Variants in OSBPL8 observed in about 807,000 individuals in gnomAD.
OSBPL8 encodes the protein oxysterol-binding protein-related protein 8.
Under a neutral mutation model 125.5 loss-of-function variants are expected in OSBPL8, and 59 were observed. That is an observed-to-expected ratio of 0.47 (90% CI 0.38 to 0.58). The LOEUF (loss-of-function observed/expected upper bound fraction) is 0.58, where lower values mean the gene tolerates loss of function less well. Ranked by LOEUF, OSBPL8 falls within the 20% of genes least tolerant of loss-of-function variation. The pLI is 0.00. For synonymous variants in OSBPL8, 330 were observed against 338.9 expected (o/e 0.97, Z 0.29); for missense variants, 758 against 1,047.8 (o/e 0.72, Z 3.82).
chr12:76,370,602 C>G (rs1592539526), intron 19 of OSBPL8, among the ~76,000 whole-genome samples: 1 of 152,150 alleles, frequency 6.6e-6, no homozygotes, highest in Non-Finnish European at 1.5e-5. Flanking sequence ...GAATTATATA[C>G]TCTCACAAAT....
intron 1 of OSBPL8, among the ~76,000 whole-genome samples, chr12:76,543,964 C>T (rs1475821606): frequency 5.9e-5 from 9 of 152,218 alleles, no homozygotes; most frequent in South Asian, 4.1e-4. Flanking sequence ...CTTTAACATA[C>T]GAAGAATAAT....
intron 4 of OSBPL8, among the ~76,000 whole-genome samples, chr12:76,429,682 T>TA (rs1437487064): frequency 1.3e-5 from 2 of 152,146 alleles, no homozygotes; most frequent in African/African-American, 4.8e-5. Context: ...ATGTGACATA[T>TA]AAAAGGAGTA....
intron 4 of OSBPL8, among the ~76,000 whole-genome samples, chr12:76,414,225 A>T (rs1868352336): frequency 6.6e-6 from 1 of 151,208 alleles, no homozygotes; most frequent in Admixed American, 6.6e-5. Flanking sequence ...TGCACACCCT[A>T]TCTGTTCTAT....
chr12:76,382,679 T>G (rs979607632), intron 15 of OSBPL8, among the ~76,000 whole-genome samples: 4 of 152,086 alleles, frequency 2.6e-5, no homozygotes, highest in Non-Finnish European at 5.9e-5. Flanking sequence ...GGTCAGGAGT[T>G]CGAGACCAGC....
chr12:76,356,292 G>A (rs553279292), intron 23 of OSBPL8, among the ~76,000 whole-genome samples: 1 of 152,242 alleles, frequency 6.6e-6, no homozygotes, highest in South Asian at 2.1e-4. Context: ...GCCATGCACA[G>A]AGGGGACTAT....
chr12:76,377,799 A>G (rs1192938697), intron 16 of OSBPL8, among the ~76,000 whole-genome samples: 1 of 152,182 alleles, frequency 6.6e-6, no homozygotes, highest in African/African-American at 2.4e-5. Context: ...CTGACTTGCC[A>G]CATTTTAGCT....
rs1400786162 is a variant in OSBPL8, at chr12:76,389,781, G to A, written c.1216C>T (p.Leu406Phe). ...TETVSEENKSLIWTLLKQVRP... is the reference protein window; with the variant it reads ...TETVSEENKSFIWTLLKQVRP... The stretch of plus-strand genomic sequence containing the variant: ...ACTTGTTTCAATAGTGTCCAGATAA[G>A]GCTTTTGTTTTCTTCAGATACAGTT... Residue 406 changes from leucine to phenylalanine, a missense_variant, in exon 12 of 24, where the codon CTT becomes TTT. Coordinates refer to ENST00000261183, the MANE Select transcript of OSBPL8 (RefSeq NM_020841.5). The A allele has an allele frequency of 1.3e-5, 20 of 1,576,510 alleles. No individual in the cohort carries two copies. The highest frequency in any genetic ancestry group is 1.7e-5 in the Non-Finnish European group (20 of 1,160,112).
intron 1 of OSBPL8, among the ~76,000 whole-genome samples, chr12:76,500,758 G>A (rs1316836312): frequency 6.6e-6 from 1 of 151,550 alleles, no homozygotes; most frequent in Admixed American, 6.6e-5. Context: ...CAGGGTAAGA[G>A]AAAAAAAGAA....
intron 1 of OSBPL8, among the ~76,000 whole-genome samples, chr12:76,556,440 T>C (rs1291099823): frequency 7.4e-6 from 1 of 134,374 alleles, no homozygotes; most frequent in African/African-American, 2.9e-5. Flanking sequence ...TGTGAGGATA[T>C]GTGAGGGATG....
chr12:76,476,484 A>C (rs1876823670), intron 2 of OSBPL8, among the ~76,000 whole-genome samples: 3 of 152,194 alleles, frequency 2.0e-5, no homozygotes, highest in Admixed American at 2.0e-4. Context: ...ACTGGGTATA[A>C]AAATATTATA....
At chr12:76,557,049 T>C (rs1951125218) in intron 1 of OSBPL8, among the ~76,000 whole-genome samples, 1 of 152,234 alleles carries the variant, frequency 6.6e-6, no homozygotes, top group African/African-American at 2.4e-5. Context: ...TATGTCCTCT[T>C]TGAATTGCCT....
intron 2 of OSBPL8, among the ~76,000 whole-genome samples, chr12:76,477,920 A>C (rs999003918): frequency 6.6e-6 from 1 of 151,964 alleles, no homozygotes; most frequent in South Asian, 2.1e-4. Context: ...AAAAGAATTC[A>C]TGGCCGGGCA....
chr12:76,500,520 T>C (rs1232970668), intron 1 of OSBPL8, among the ~76,000 whole-genome samples: 5 of 152,224 alleles, frequency 3.3e-5, no homozygotes. Context: ...TTTGTTTATA[T>C]AAATTTGTTA....
chr12:76,539,166 G>T (rs1409495622), intron 1 of OSBPL8, among the ~76,000 whole-genome samples: 1 of 149,370 alleles, frequency 6.7e-6, no homozygotes, highest in African/African-American at 2.5e-5. Flanking sequence ...AAAAAAAAAA[G>T]ACAGATATCA....
chr12:76,433,997 A>T (rs909932761), intron 4 of OSBPL8, among the ~76,000 whole-genome samples: 4 of 127,592 alleles, frequency 3.1e-5, no homozygotes, highest in Non-Finnish European at 5.1e-5. Flanking sequence ...AAAAAAAAAA[A>T]TCCTAAAACT....
chr12:76,409,997 G>A lies in OSBPL8; in HGVS notation c.288+567C>T, dbSNP rs183688582. On this transcript the variant is annotated intron_variant, in intron 5 of 23. Transcript: ENST00000261183. ...AAATCTAGTGAACTAAAAACCCATA[G>A]GGAAACTGGTTACTGCATCACATGG... 1.5e-4 allele frequency among the ~76,000 whole-genome samples: 23 copies of A among 152,196 alleles called. No homozygotes were observed. The East Asian group carries it at 4.2e-3, about 28-fold the overall frequency.
Position 76,384,284 on chromosome 12 carries a change from C to T in OSBPL8, c.1600G>A (p.Gly534Ser), listed in dbSNP as rs374299664. 54 of 1,562,362 alleles carry T rather than the reference C, an allele frequency of 3.5e-5. No homozygotes were observed. The highest frequency in any genetic ancestry group is 6.8e-5 in the East Asian group (3 of 44,196). Residue 534 changes from glycine (G) to serine (S), a missense_variant, in exon 15 of 24, where the codon GGT becomes AGT. Physicochemically the swap from Gly to Ser is moderately conservative, Grantham distance 56 (BLOSUM62 0). Around this residue, in one of 3 missense-constraint regions of OSBPL8, gnomAD observed 572 missense variants for 762.0 expected, o/e 0.75. Transcript: ENST00000261183. ...AACTTAGACTTAGCCAGGATACTAC[C>T]GCTAAGGCAAAATCCATCTTTTCGA... ...SNRKDGFCLS[G>S]SILAKSKFYG...
intron 1 of OSBPL8, among the ~76,000 whole-genome samples, chr12:76,539,570 C>T (rs1326369968): frequency 2.6e-5 from 4 of 152,156 alleles, no homozygotes; most frequent in African/African-American, 4.8e-5. Flanking sequence ...TTTCAATCAA[C>T]GTAATATTAA....
intron 4 of OSBPL8, among the ~76,000 whole-genome samples, chr12:76,429,331 A>C (rs532775677): frequency 2.1e-5 from 3 of 141,786 alleles, no homozygotes; most frequent in East Asian, 4.0e-4. Flanking sequence ...AGCACCTACT[A>C]TGTGTTGGGA....
Sources: gnomAD v4.1 joint callset for allele counts (sites outside exome capture counted in the v4.1 genomes callset) on GRCh38, gnomAD v4.1.1 for gene constraint, gnomAD v4.1.1 regional missense constraint, MANE v1.5 for transcripts, NCBI Gene and HGNC (gene_info 2026-07-23, HGNC 2026-07-21) for gene names.